Variants in ACVR2A observed in about 807,000 individuals in gnomAD.
The protein encoded by ACVR2A is activin A receptor type 2A.
Under a neutral mutation model 61.4 loss-of-function variants are expected in ACVR2A, and 7 were observed. The observed-to-expected ratio is 0.11, with a 90% CI of 0.06 to 0.21. The LOEUF (loss-of-function observed/expected upper bound fraction) is 0.21. Among genes scored for constraint, ACVR2A ranks in the 10% least tolerant of loss-of-function variants. The pLI is 1.00. For synonymous variants in ACVR2A, 193 were observed against 208.3 expected, an observed-to-expected ratio of 0.93 and a Z score of 0.63; for missense variants, 322 against 621.7, an observed-to-expected ratio of 0.52 and a Z score of 5.13.
intron 1 of ACVR2A, 80 bp downstream of exon 1, chr2:147,845,287 G>A (rs2105123676): frequency 2.1e-6 from 3 of 1,406,962 alleles, no homozygotes; most frequent in African/African-American, 1.4e-5. Context: ...CTGGTGTTGA[G>A]TCGGAGAGTC....
rs1351817970 is a variant in ACVR2A at position 147,928,412 on chromosome 2, G to C, written c.*1138G>C. On this transcript the variant is annotated 3_prime_UTR_variant, in exon 11 of 11. Transcript: ENST00000241416. ...CAGAATTCCCCACTGTCTGCTATGA[G>C]ACTTGTAACTTTATCACTATACTTC... 6.6e-6 allele frequency: 1 copy of C among 151,972 alleles called. No individual in the cohort carries two copies. The allele number at this position is 151,972 out of a possible 1,614,324, so 9.4% of individuals were successfully genotyped here. A position where few individuals can be genotyped will look rare whatever the true frequency, so the allele number is the denominator to read the frequency against.
chr2:147,896,431 T>C lies in ACVR2A; in HGVS notation c.186T>C (p.Ala62=), dbSNP rs1268847341. Residue 62 remains alanine (A), a synonymous_variant, in exon 2 of 11, where the codon GCT becomes GCC. Transcript: ENST00000241416. ...GDKDKRRHCF[A]TWKNISGSIE... is the part of the protein sequence containing the mutation. The stretch of plus-strand genomic sequence containing the variant: ...AAGATAAACGGCGGCATTGTTTTGC[T>C]ACCTGGAAGAATATTTCTGGTTCCA... 6.2e-7 allele frequency: 1 copy of C among 1,614,048 alleles called. No homozygotes were observed. The highest frequency in any genetic ancestry group is 8.5e-7 in the Non-Finnish European group (1 of 1,179,968).
chr2:147,879,940 C>G (rs987969272), intron 1 of ACVR2A, among the ~76,000 whole-genome samples: 1 of 152,148 alleles, frequency 6.6e-6, no homozygotes, highest in Admixed American at 6.6e-5. Context: ...AATTCTAATG[C>G]TTATGCCTTA....
At position 147,920,359 on chromosome 2, in the gene ACVR2A, T is replaced by G. The variant is rs752050164; in HGVS notation, c.1077+15T>G. Reference sequence around the variant, plus strand: ...CCCATGGACAGGTAAGGATGATGATTATAAAATGTAAGAAAAAATAAACTT... The same window carrying G: ...CCCATGGACAGGTAAGGATGATGATGATAAAATGTAAGAAAAAATAAACTT... On this transcript the variant is annotated intron_variant, in intron 8 of 10. Transcript: ENST00000241416. 6.4e-7 allele frequency: 1 copy of G among 1,559,386 alleles called. No homozygotes were observed. The highest frequency in any genetic ancestry group is 1.8e-5 in the Admixed American group (1 of 56,172).
intron 1 of ACVR2A, among the ~76,000 whole-genome samples, chr2:147,864,799 C>T (rs1200217749): frequency 4.6e-5 from 7 of 152,100 alleles, no homozygotes; most frequent in Non-Finnish European, 8.8e-5. Flanking sequence ...TTGAAATCAA[C>T]CAACAATTAA....
intron 1 of ACVR2A, among the ~76,000 whole-genome samples, chr2:147,888,684 T>C (rs369262036): frequency 2.1e-5 from 3 of 139,602 alleles, no homozygotes; most frequent in African/African-American, 5.0e-5. Flanking sequence ...GCTGCTTCTT[T>C]TTTTTTTTTT....
chr2:147,924,591 A>G (rs1295194507), intron 9 of ACVR2A, among the ~76,000 whole-genome samples: 1 of 152,006 alleles, frequency 6.6e-6, no homozygotes, highest in Non-Finnish European at 1.5e-5. Context: ...AAATAATTTC[A>G]GAGTCAGGCA....
chr2:147,905,102 C>A (rs1457561003), intron 4 of ACVR2A, among the ~76,000 whole-genome samples: 2 of 151,952 alleles, frequency 1.3e-5, no homozygotes, highest in African/African-American at 4.8e-5. Flanking sequence ...AAAATAGAAT[C>A]ATTTTCTCCT....
chr2:147,922,884 C>G (rs1432652442), intron 8 of ACVR2A, 89 bp from the exon 9 acceptor site: 1 of 1,386,804 alleles, frequency 7.2e-7, no homozygotes, highest in East Asian at 2.3e-5. Context: ...GGTAATAGAC[C>G]ACATTTGGTT....
intron 2 of ACVR2A, chr2:147,897,169 T>G (rs1219273026): frequency 6.6e-6 from 1 of 152,024 alleles, no homozygotes; most frequent in African/African-American, 2.4e-5. Context: ...CCACCATGCC[T>G]GGCTAGTTTT....
Position 147,845,135 on chromosome 2 carries a change from C to T in ACVR2A, c.-18C>T, listed in dbSNP as rs1423603054. On this transcript the variant is annotated 5_prime_UTR_variant, in exon 1 of 11. Coordinates refer to ENST00000241416, the MANE Select transcript of ACVR2A (RefSeq NM_001616.5). ...ATCTAGCGAGAACTTCCTCCGGATT[C>T]CCCGGCGCCTCGGGAAAATGGGAGC... 1.2e-6 allele frequency: 2 copies of T among 1,610,936 alleles called. No individual in the cohort carries two copies. The highest frequency in any genetic ancestry group is 1.7e-6 in the Non-Finnish European group (2 of 1,178,854).
At chr2:147,925,975 T>C (rs1031483627) in intron 9 of ACVR2A, 56 bp from the exon 10 acceptor site, 2 of 1,565,064 alleles carry the variant, frequency 1.3e-6, no homozygotes, top group African/African-American at 2.7e-5. Flanking sequence ...TGTACCAGTT[T>C]GAAAGTCAGG....
At chr2:147,917,584 GGTA>G (rs1687280018) in intron 6 of ACVR2A, among the ~76,000 whole-genome samples, 158 bp downstream of exon 6, 2 of 151,630 alleles carry the variant, frequency 1.3e-5, no homozygotes, top group South Asian at 4.1e-4. Flanking sequence ...TGTTTTAAAA[GGTA>G]GTTTATTTTA....
rs1687305788 is a variant in ACVR2A at position 147,918,490 on chromosome 2, A to C, written c.860A>C (p.Asn287Thr). 6.2e-7 allele frequency: 1 copy of C among 1,612,298 alleles called. No individual in the cohort carries two copies. Among genetic ancestry groups the C allele is most frequent in the African/African-American group, 1.3e-5 (1 of 74,784 alleles). ...DFLKANVVSW[N>T]ELCHIAETMA... Reference sequence around the variant, plus strand: ...CTTAAGGCTAATGTGGTCTCTTGGAATGAACTGTGTCATATTGCAGAAACC... The same window carrying C: ...CTTAAGGCTAATGTGGTCTCTTGGACTGAACTGTGTCATATTGCAGAAACC... Residue 287 changes from asparagine to threonine, a missense_variant, in exon 7 of 11, where the codon AAT becomes ACT. By Grantham distance (65) the Asn-to-Thr change is moderately conservative (BLOSUM62 0). Around this residue, in one of 3 missense-constraint regions of ACVR2A, gnomAD observed 146 missense variants for 383.8 expected, o/e 0.38. Transcript: ENST00000241416.
At chr2:147,874,899 A>G (rs892801638) in intron 1 of ACVR2A, among the ~76,000 whole-genome samples, 10 of 152,018 alleles carry the variant, frequency 6.6e-5, no homozygotes, top group African/African-American at 2.4e-4. Context: ...AGATTGTAAC[A>G]TCTAAAGGGC....
At position 147,927,198 on chromosome 2, in the gene ACVR2A, T is replaced by C. The variant is rs548287143; in HGVS notation, c.1466T>C (p.Ile489Thr). 7 of 1,612,242 alleles carry C rather than the reference T, an allele frequency of 4.3e-6. No homozygotes were observed. The South Asian group carries it at 4.4e-5, about 10-fold the overall frequency. The change falls in exon 11 of 11, where the codon ATT (isoleucine) becomes ACT (threonine). Residue 489 changes from isoleucine (I) to threonine (T), a missense_variant. Physicochemically the swap from Ile to Thr is moderately conservative, Grantham distance 89. This residue lies in a region of ACVR2A where 34 missense variants were observed against 37.6 expected (regional missense o/e 0.91). Coordinates refer to ENST00000241416, the MANE Select transcript of ACVR2A (RefSeq NM_001616.5). ...ITQMQRLTNI[I>T]TTEDIVTVVT... ...CAGATGCAGAGACTAACAAATATTA[T>C]TACCACAGAGGACATTGTAACAGTG... is the stretch of plus-strand genomic sequence containing the variant.
chr2:147,861,824 G>A (rs1450118239), intron 1 of ACVR2A, among the ~76,000 whole-genome samples: 2 of 152,040 alleles, frequency 1.3e-5, no homozygotes, highest in East Asian at 1.9e-4. Flanking sequence ...AATGTGTGAG[G>A]GGAATAACTG....
chr2:147,893,146 AATGGAATC>A (rs1419730705), intron 1 of ACVR2A, among the ~76,000 whole-genome samples: 1 of 152,084 alleles, frequency 6.6e-6, no homozygotes. Flanking sequence ...ATATTATGTA[AATGGAATC>A]ATACGGGACA....
At position 147,928,188 on chromosome 2, in the gene ACVR2A, G is replaced by A. The variant is rs2105227477; in HGVS notation, c.*914G>A. On this transcript the variant is annotated 3_prime_UTR_variant, in exon 11 of 11. Coordinates refer to ENST00000241416, the MANE Select transcript of ACVR2A (RefSeq NM_001616.5). ...TATTTTTTTTAGGTGTGCTGTGTTTGGGGAATATTTGAAAATTTAAAGCAT... is the reference window on the plus strand; with the variant it reads ...TATTTTTTTTAGGTGTGCTGTGTTTAGGGAATATTTGAAAATTTAAAGCAT... 1 of 152,322 alleles carries A rather than the reference G, an allele frequency of 6.6e-6. No individual in the cohort carries two copies. 9.4% of individuals were successfully genotyped at this position (152,322 alleles called of 1,614,324 possible). A position where few individuals can be genotyped will look rare whatever the true frequency, so the allele number is the denominator to read the frequency against.
Sources: gnomAD v4.1 joint callset for allele counts (sites outside exome capture counted in the v4.1 genomes callset) on GRCh38, gnomAD v4.1.1 for gene constraint, gnomAD v4.1.1 regional missense constraint, MANE v1.5 for transcripts, NCBI Gene and HGNC (gene_info 2026-07-23, HGNC 2026-07-21) for gene names.